Variants in SLC25A24 observed in about 807,000 individuals in gnomAD.
SLC25A24 encodes solute carrier family 25 member 24.
A neutral mutation model predicts 60.7 loss-of-function variants in SLC25A24; 49 were observed. The observed-to-expected ratio is 0.81, with a 90% CI of 0.64 to 1.02. SLC25A24 has a LOEUF of 1.02. Among genes scored for constraint, SLC25A24 ranks in the 50% least tolerant of loss-of-function variants. The pLI is 0.00. For missense variants in SLC25A24, 564 were observed against 586.3 expected (o/e 0.96, Z 0.39); for synonymous variants, 202 against 200.6 (o/e 1.01, Z -0.06).
chr1:108,136,660 T>C lies in SLC25A24; in HGVS notation c.1427A>G (p.Gln476Arg). 1 of 1,611,956 alleles carries C rather than the reference T, an allele frequency of 6.2e-7. No homozygotes were observed. Among genetic ancestry groups the C allele is most frequent in the Non-Finnish European group, 8.5e-7 (1 of 1,178,584 alleles). The change falls in exon 10 of 10, where the codon CAG (glutamine) becomes CGG (arginine). Residue 476 changes from glutamine (Q) to arginine (R), a missense_variant. Coordinates refer to ENST00000565488, the MANE Select transcript of SLC25A24 (RefSeq NM_013386.5). ...AAAGCAAAAAATGCAACATCATTTC[T>C]GGGTTACTCCTAAAGTTTGCTTCAT... ...ENMKQTLGVT[Q>R]K
rs962900690 is a variant in SLC25A24, at chr1:108,146,399, C to T, written c.930+1880G>A. Among the ~76,000 whole-genome samples, 8 of 152,288 alleles carry T rather than the reference C, an allele frequency of 5.3e-5. No individual in the cohort carries two copies. The East Asian group carries it at 9.7e-4, about 18-fold the overall frequency. On this transcript the variant is annotated intron_variant, in intron 7 of 9. Transcript: ENST00000565488. ...GACTTCCTCTTTTCCTATCTGAATA[C>T]GCTTTATTTCTTTCTCCTGCCTGAT...
In SLC25A24 at chr1:108,161,204, A is replaced by G. The variant is rs1218382590; in HGVS notation, c.488T>C (p.Ile163Thr). The change falls in exon 4 of 10, where the codon ATC becomes ACC. Residue 163 changes from isoleucine to threonine, a missense_variant. Transcript: ENST00000565488. ...FNPVTDIEEI[I>T]RFWKHSTGID... ...TACTGTAGAATGTTTCCAGAAACGG[A>G]TAATTTCCTCAATGTCTGTAACAGG... is the stretch of plus-strand genomic sequence containing the variant. 4 of 1,571,438 alleles carry G rather than the reference A, an allele frequency of 2.5e-6. No homozygotes were observed. The South Asian group carries it at 4.5e-5, about 18-fold the overall frequency.
chr1:108,185,327 T>A (rs1648082555), intron 2 of SLC25A24, among the ~76,000 whole-genome samples: 1 of 152,186 alleles, frequency 6.6e-6, no homozygotes, highest in South Asian at 2.1e-4. Flanking sequence ...ACTTAAACGT[T>A]TATATGCTAT....
chr1:108,187,922 T>TTATATATATA (rs1470627510), intron 1 of SLC25A24, among the ~76,000 whole-genome samples: 800 of 51,064 alleles, frequency 0.016, 32 homozygotes, highest in African/African-American at 0.064. Context: ...GGATAAGACA[T>TTATATATATA]TATAGATATA....
At chr1:108,188,248 G>C (rs1460186507) in intron 1 of SLC25A24, among the ~76,000 whole-genome samples, 2 of 151,894 alleles carry the variant, frequency 1.3e-5, no homozygotes, top group Non-Finnish European at 2.9e-5. Flanking sequence ...AATGGACAAG[G>C]GTTGAAAAAT....
chr1:108,163,905 T>G (rs187442322), intron 3 of SLC25A24, among the ~76,000 whole-genome samples: 3 of 152,368 alleles, frequency 2.0e-5, no homozygotes, highest in Admixed American at 1.3e-4. Flanking sequence ...TTTTACCCAG[T>G]CAGTATGATA....
At chr1:108,138,935 GA>G in intron 9 of SLC25A24, 122 bp downstream of exon 9, 13 of 1,006,928 alleles carry the variant, frequency 1.3e-5, no homozygotes, top group Middle Eastern at 2.8e-4. Flanking sequence ...AGGCAATAAT[GA>G]AAAAAAGGTT....
intron 3 of SLC25A24, among the ~76,000 whole-genome samples, chr1:108,165,923 G>A (rs900433536): frequency 7.9e-5 from 12 of 152,094 alleles, no homozygotes; most frequent in Admixed American, 2.0e-4. Flanking sequence ...ATTTTGCAGC[G>A]GCTGGTACTG....
chr1:108,145,795 G>A (rs1679573641), intron 7 of SLC25A24, among the ~76,000 whole-genome samples: 2 of 152,138 alleles, frequency 1.3e-5, no homozygotes, highest in African/African-American at 4.8e-5. Context: ...ATGCTGTTTT[G>A]GTTACTGTAG....
chr1:108,137,949 T>A (rs1262884069), intron 9 of SLC25A24, among the ~76,000 whole-genome samples: 6 of 152,240 alleles, frequency 3.9e-5, no homozygotes, highest in Non-Finnish European at 4.4e-5. Context: ...AAATACACCA[T>A]GTTGGTGCCT....
At position 108,143,709 on chromosome 1, in the gene SLC25A24, AC is replaced by A. The variant is rs1558007795; in HGVS notation, c.931del (p.Val311LeufsTer2). Reference sequence around the variant, plus strand: ...GCCTACAGCCAGCCTGGTTTTCATAACCTGGATATAAAAAAAAACAAAATAT... The same window carrying A: ...GCCTACAGCCAGCCTGGTTTTCATAACTGGATATAAAAAAAAACAAAATAT... Reference protein sequence around the residue: ...TAQTFIYPMEVMKTRLAVGKT... With the variant: ...TAQTFIYPMEXMKTRLAVGKT... On this transcript the variant is annotated frameshift_variant and splice_region_variant, in exon 8 of 10. Transcript: ENST00000565488. LOFTEE classifies it high-confidence loss of function. The A allele has an allele frequency of 6.2e-7, 1 of 1,601,612 alleles. No individual in the cohort carries two copies. Among genetic ancestry groups the A allele is most frequent in the Non-Finnish European group, 8.5e-7 (1 of 1,176,032 alleles).
rs1417680340 is a variant in SLC25A24 at position 108,167,372 on chromosome 1, G to A, written c.399-6079C>T. ...TACCTAAGCAAGCCTGGGCAATGGC[G>A]GGTGCCCCTCCCCCAGCCTCGCTGC... is the stretch of plus-strand genomic sequence containing the variant. On this transcript the variant is annotated intron_variant, in intron 3 of 9. Transcript: ENST00000565488. 5.3e-5 allele frequency among the ~76,000 whole-genome samples: 8 copies of A among 152,100 alleles called. No individual in the cohort carries two copies. The East Asian group carries it at 5.8e-4, about 11-fold the overall frequency.
At chr1:108,158,703 G>GA (rs34586204) in intron 4 of SLC25A24, among the ~76,000 whole-genome samples, 1 of 138,270 alleles carries the variant, frequency 7.2e-6, no homozygotes, top group Admixed American at 7.2e-5. Context: ...AGCCCATAAA[G>GA]AAAAAAAAAA....
chr1:108,176,616 T>C (rs1647682249), intron 3 of SLC25A24, among the ~76,000 whole-genome samples: 1 of 152,136 alleles, frequency 6.6e-6, no homozygotes, highest in South Asian at 2.1e-4. Flanking sequence ...GAGAGGATCC[T>C]GAAAACAGCA....
chr1:108,167,361 T>G (rs1195958763), intron 3 of SLC25A24, among the ~76,000 whole-genome samples: 2 of 152,192 alleles, frequency 1.3e-5, no homozygotes, highest in African/African-American at 2.4e-5. Context: ...TAAGCAAGCC[T>G]GGGCAATGGC....
At chr1:108,180,616 ATCTCTCTCTCTCTCTCTC>A (rs3043349) in intron 3 of SLC25A24, among the ~76,000 whole-genome samples, 44 of 61,814 alleles carry the variant, frequency 7.1e-4, no homozygotes, top group South Asian at 1.5e-3. Flanking sequence ...CAAGAGAAAG[ATCTCTCTCTCTCTCTCTC>A]TCTCTCTCTC....
At chr1:108,150,974 G>GAGGACCACTTGAGGTCAGA (rs1679739472) in intron 6 of SLC25A24, among the ~76,000 whole-genome samples, 1 of 152,176 alleles carries the variant, frequency 6.6e-6, no homozygotes, top group South Asian at 2.1e-4. Context: ...GCTGAGGCAG[G>GAGGACCACTTGAGGTCAGA]AGGACCACTT....
intron 9 of SLC25A24, among the ~76,000 whole-genome samples, chr1:108,138,259 T>C (rs937335603): frequency 1.3e-5 from 2 of 152,220 alleles, no homozygotes; most frequent in African/African-American, 4.8e-5. Context: ...AATGGGACAA[T>C]GGCTCAGGGA....
In SLC25A24 at chr1:108,160,937, G is replaced by A. The variant is rs563385424; in HGVS notation, c.510+245C>T. On this transcript the variant is annotated intron_variant, in intron 4 of 9. Coordinates refer to ENST00000565488, the MANE Select transcript of SLC25A24 (RefSeq NM_013386.5). ...TTTGGCTCGGCATCAGAGGGAGACC[G>A]TGGAAAGAGAGGGAGAGGGAGACCG... 2.6e-4 allele frequency among the ~76,000 whole-genome samples: 40 copies of A among 152,262 alleles called. No homozygotes were observed. The East Asian group carries it at 4.6e-3, about 18-fold the overall frequency.
Sources: gnomAD v4.1 joint callset for allele counts (sites outside exome capture counted in the v4.1 genomes callset) on GRCh38, gnomAD v4.1.1 for gene constraint, MANE v1.5 for transcripts, NCBI Gene and HGNC (gene_info 2026-07-23, HGNC 2026-07-21) for gene names.